Variants in KATNAL2 observed in about 807,000 individuals in gnomAD.
KATNAL2 encodes katanin catalytic subunit A1 like 2.
KATNAL2 carries 52 observed loss-of-function variants against 76.3 expected under a neutral mutation model. The observed-to-expected ratio is 0.68, with a 90% CI of 0.55 to 0.86. KATNAL2 has a LOEUF of 0.86. Ranked by LOEUF, KATNAL2 falls within the 40% of genes least tolerant of loss-of-function variation. The probability of loss-of-function intolerance (pLI) is 0.00; values close to 1 mark genes in which losing one functional copy is unlikely to be tolerated. For synonymous variants in KATNAL2, 243 were observed against 244.2 expected (o/e 1.00, Z 0.05); for missense variants, 660 against 668.9 (o/e 0.99, Z 0.15).
At position 47,069,070 on chromosome 18, in the gene KATNAL2, G is replaced by A. The variant is rs150312581; in HGVS notation, c.826-150G>A. ...GGGATGAATAAGATCTGTTTATTTC[G>A]GTCAGAAGCAGACAACCTTAAGCAA... On this transcript the variant is annotated intron_variant, in intron 11 of 17. Transcript: ENST00000683218. 4.2e-3 allele frequency: 2,393 copies of A among 566,174 alleles called. 12 individuals are homozygous for A. Among genetic ancestry groups the A allele is most frequent in the Non-Finnish European group, 3.9e-3 (1,231 of 315,944 alleles). The allele number at this position is 566,174 out of a possible 1,614,324, so 35.1% of individuals were successfully genotyped here.
chr18:46,928,123 G>A (rs1599316849), intron 1 of KATNAL2, among the ~76,000 whole-genome samples: 1 of 152,196 alleles, frequency 6.6e-6, no homozygotes, highest in Non-Finnish European at 1.5e-5. Flanking sequence ...TTCCGTTGCT[G>A]GTGAGGAGCT....
chr18:47,035,649 G>T lies in KATNAL2; in HGVS notation c.52-10808G>T, dbSNP rs1400792558. On this transcript the variant is annotated intron_variant, in intron 3 of 17. Coordinates refer to ENST00000683218, the MANE Select transcript of KATNAL2 (RefSeq NM_001387690.1). Reference sequence around the variant, plus strand: ...CTCTTGGGCTGCCCCGCCCCCATACGTACTCATGCCGTCAGCACAATGCAG... The same window carrying T: ...CTCTTGGGCTGCCCCGCCCCCATACTTACTCATGCCGTCAGCACAATGCAG... 4 of 412,218 alleles carry T rather than the reference G, an allele frequency of 9.7e-6. No individual in the cohort carries two copies. The Admixed American group carries it at 1.2e-4, about 13-fold the overall frequency. The allele number at this position is 412,218 out of a possible 1,614,324, so 25.5% of individuals were successfully genotyped here. A position where few individuals can be genotyped will look rare whatever the true frequency, so the allele number is the denominator to read the frequency against.
At position 47,100,935 on chromosome 18, in the gene KATNAL2, A is replaced by G. The variant is rs1325594199; in HGVS notation, c.1547A>G (p.His516Arg). ...GCCGACTTTCTGGATGTGCTAACTC[A>G]CACCAAGCCCTCCGCAAAGAATCTG... is the stretch of plus-strand genomic sequence containing the variant. Reference protein sequence around the residue: ...TTADFLDVLTHTKPSAKNLAQ... With the variant: ...TTADFLDVLTRTKPSAKNLAQ... The change falls in exon 18 of 18, where the codon CAC becomes CGC. Residue 516 changes from histidine to arginine, a missense_variant. By Grantham distance (29) the His-to-Arg change is conservative. Coordinates refer to ENST00000683218, the MANE Select transcript of KATNAL2 (RefSeq NM_001387690.1). 6.2e-7 allele frequency: 1 copy of G among 1,614,136 alleles called. No individual in the cohort carries two copies. The highest frequency in any genetic ancestry group is 8.5e-7 in the Non-Finnish European group (1 of 1,180,014).
chr18:46,944,677 G>A (rs1456080902), intron 1 of KATNAL2, among the ~76,000 whole-genome samples: 2 of 152,172 alleles, frequency 1.3e-5, no homozygotes, highest in African/African-American at 4.8e-5. Flanking sequence ...AGAGGTTGCA[G>A]TGAGCCGAGA....
chr18:47,045,285 G>GT (rs1211910148), intron 3 of KATNAL2, among the ~76,000 whole-genome samples: 6 of 149,438 alleles, frequency 4.0e-5, no homozygotes, highest in Non-Finnish European at 7.4e-5. Flanking sequence ...CCTGAAAAAT[G>GT]TTTTTTGGTT....
At chr18:46,955,177 T>TCTTTCTTTCTTTCTTTCTTTCTTTCTTC in intron 3 of KATNAL2, among the ~76,000 whole-genome samples, 2 of 149,504 alleles carry the variant, frequency 1.3e-5, no homozygotes, top group African/African-American at 2.5e-5. Context: ...TTTCTTTCTT[T>TCTTTCTTTCTTTCTTTCTTTCTTTCTTC]CTTTCTTTCC....
intron 15 of KATNAL2, among the ~76,000 whole-genome samples, chr18:47,083,515 G>C (rs149883306): frequency 2.9e-4 from 44 of 152,258 alleles, no homozygotes; most frequent in African/African-American, 1.0e-3. Flanking sequence ...CGTCTCAAAG[G>C]GGCAATCATT....
intron 3 of KATNAL2, among the ~76,000 whole-genome samples, chr18:46,951,995 C>T (rs905329100): frequency 6.6e-6 from 1 of 152,004 alleles, no homozygotes; most frequent in Non-Finnish European, 1.5e-5. Context: ...CTGGTCTCAA[C>T]CTCCTGGCCT....
Position 46,920,052 on chromosome 18 carries a change from A to C in KATNAL2, c.-510+2126A>C, listed in dbSNP as rs1424595419. 2.3e-6 allele frequency: 3 copies of C among 1,289,234 alleles called. No individual in the cohort carries two copies. The African/African-American group carries it at 4.6e-5, about 20-fold the overall frequency. The allele number at this position is 1,289,234 out of a possible 1,614,324, so 79.9% of individuals were successfully genotyped here. Reference sequence around the variant, plus strand: ...GAAAAGAAAAGCAAAGCCCCACTGAAACTTACGTGCAGTGTTCTTTGTAGT... The same window carrying C: ...GAAAAGAAAAGCAAAGCCCCACTGACACTTACGTGCAGTGTTCTTTGTAGT... On this transcript the variant is annotated intron_variant, in intron 1 of 17. Transcript: ENST00000683218.
chr18:46,949,658 T>A (rs2059491798), intron 3 of KATNAL2, among the ~76,000 whole-genome samples: 1 of 152,234 alleles, frequency 6.6e-6, no homozygotes, highest in African/African-American at 2.4e-5. Context: ...CAAATCGTAA[T>A]TCTGGGGGTT....
intron 10 of KATNAL2, among the ~76,000 whole-genome samples, chr18:47,065,158 T>C (rs1283695159): frequency 6.6e-6 from 1 of 152,142 alleles, no homozygotes; most frequent in Non-Finnish European, 1.5e-5. Flanking sequence ...ACCAAAGTAC[T>C]TTTATAAATA....
At chr18:47,062,195 A>C (rs1205422926) in intron 8 of KATNAL2, among the ~76,000 whole-genome samples, 3 of 152,092 alleles carry the variant, frequency 2.0e-5, no homozygotes, top group Non-Finnish European at 2.9e-5. Flanking sequence ...AGCCTGGGCA[A>C]CATAAAGAGA....
intron 6 of KATNAL2, among the ~76,000 whole-genome samples, chr18:47,057,844 C>T (rs2061514552): frequency 6.6e-6 from 1 of 152,198 alleles, no homozygotes; most frequent in Non-Finnish European, 1.5e-5. Context: ...AATGGGAGGA[C>T]TCCTTTCTCT....
intron 10 of KATNAL2, among the ~76,000 whole-genome samples, chr18:47,066,177 T>A (rs1480298947): frequency 6.6e-6 from 1 of 151,816 alleles, no homozygotes; most frequent in Non-Finnish European, 1.5e-5. Flanking sequence ...AGTTTCAGAT[T>A]TTTTCTGTAG....
chr18:47,055,722 C>T (rs1409554259), intron 6 of KATNAL2, among the ~76,000 whole-genome samples: 1 of 152,202 alleles, frequency 6.6e-6, no homozygotes, highest in Non-Finnish European at 1.5e-5. Context: ...CGTTTGCAGC[C>T]AGCTTCGGAA....
chr18:47,067,750 C>T (rs563679122), intron 11 of KATNAL2, among the ~76,000 whole-genome samples: 11 of 152,308 alleles, frequency 7.2e-5, no homozygotes, highest in Non-Finnish European at 1.0e-4. Context: ...AACAGACCAC[C>T]CCACAACTTA....
intron 1 of KATNAL2, among the ~76,000 whole-genome samples, chr18:46,938,302 A>C (rs1288771059): frequency 6.6e-6 from 1 of 152,138 alleles, no homozygotes; most frequent in Admixed American, 6.5e-5. Flanking sequence ...AAAACCTTAC[A>C]TGTGAATGGT....
chr18:46,949,570 T>C (rs1400600291), intron 3 of KATNAL2, among the ~76,000 whole-genome samples: 2 of 152,172 alleles, frequency 1.3e-5, no homozygotes, highest in Non-Finnish European at 2.9e-5. Flanking sequence ...TTGAATGTCC[T>C]CTCTAAAACC....
chr18:47,042,347 C>A (rs995424414), intron 3 of KATNAL2, among the ~76,000 whole-genome samples: 1 of 152,140 alleles, frequency 6.6e-6, no homozygotes, highest in Admixed American at 6.5e-5. Flanking sequence ...CATTTTGAAA[C>A]ACAGGTTGCC....
Sources: gnomAD v4.1 joint callset for allele counts (sites outside exome capture counted in the v4.1 genomes callset) on GRCh38, gnomAD v4.1.1 for gene constraint, MANE v1.5 for transcripts, NCBI Gene and HGNC (gene_info 2026-07-23, HGNC 2026-07-21) for gene names.